VWA8: variants seen among roughly 807,000 people sequenced by gnomAD.
VWA8 encodes von Willebrand factor A domain containing 8, also known as von Willebrand factor A domain-containing protein 8.
Under a neutral mutation model 241.5 loss-of-function variants are expected in VWA8, and 221 were observed. That is an observed-to-expected ratio of 0.91 (90% CI 0.82 to 1.02). The LOEUF (loss-of-function observed/expected upper bound fraction) is 1.02. VWA8 is among the 50% of genes least tolerant of loss of function. VWA8 has a pLI of 0.00. For synonymous variants in VWA8, 852 were observed against 827.1 expected (o/e 1.03, Z -0.52); for missense variants, 2,322 against 2,328.7 (o/e 1.00, Z 0.06).
intron 1 of VWA8, among the ~76,000 whole-genome samples, chr13:41,954,539 T>C (rs1389497125): frequency 6.6e-6 from 1 of 152,222 alleles, no homozygotes; most frequent in Non-Finnish European, 1.5e-5. Context: ...TCCCTAACTT[T>C]TCCTCTAGCA....
intron 42 of VWA8, among the ~76,000 whole-genome samples, chr13:41,580,228 G>C (rs1315805233): frequency 6.6e-6 from 1 of 152,094 alleles, no homozygotes; most frequent in African/African-American, 2.4e-5. Context: ...TTTTTGAATG[G>C]TTGGGTTGGC....
intron 14 of VWA8, among the ~76,000 whole-genome samples, chr13:41,821,551 T>C (rs926309515): frequency 3.9e-5 from 6 of 152,062 alleles, no homozygotes; most frequent in Non-Finnish European, 7.4e-5. Flanking sequence ...AAAGAAGTGA[T>C]AGATAATGAA....
chr13:41,899,019 G>A (rs1031000923), intron 4 of VWA8, among the ~76,000 whole-genome samples: 7 of 152,332 alleles, frequency 4.6e-5, no homozygotes, highest in Admixed American at 1.3e-4. Context: ...AGCCCAGAAA[G>A]GGGCTCCCAC....
chr13:41,865,981 T>C lies in VWA8; in HGVS notation c.1268A>G (p.Gln423Arg). The change falls in exon 11 of 45, where the codon CAG becomes CGG. Residue 423 changes from glutamine to arginine, a missense_variant. Gln to Arg is a conservative substitution (Grantham distance 43, BLOSUM62 1). Coordinates refer to ENST00000379310, the MANE Select transcript of VWA8 (RefSeq NM_015058.2). ...CTGTAGCTGCTTATGGCTCAAAGTC[T>C]GTATGAAACGGTCTGACGCACAAGG... ...SQPCASDRFI[Q>R]TLSHKQLQAE... 3.7e-6 allele frequency: 6 copies of C among 1,614,214 alleles called. No homozygotes were observed. The highest frequency in any genetic ancestry group is 5.1e-6 in the Non-Finnish European group (6 of 1,180,032).
At chr13:41,897,925 C>T (rs1875201889) in intron 4 of VWA8, among the ~76,000 whole-genome samples, 1 of 152,104 alleles carries the variant, frequency 6.6e-6, no homozygotes, top group Non-Finnish European at 1.5e-5. Context: ...TTGGTAGAGC[C>T]GAGTGGTCTG....
At chr13:41,640,775 G>A (rs560718379) in intron 37 of VWA8, among the ~76,000 whole-genome samples, 12 of 152,250 alleles carry the variant, frequency 7.9e-5, no homozygotes, top group Admixed American at 2.6e-4. Context: ...AGATTCATCT[G>A]TTGTTTGATG....
chr13:41,912,083 T>C lies in VWA8; in HGVS notation c.327A>G (p.Ile109Met). The stretch of plus-strand genomic sequence containing the variant: ...AGCGTCGAAGAGGCCCAGGAGGTCC[T>C]ATTAGAAAAACATCTTGCCCCAAAA... ...KDLLGQDVFLIGPPGPLRRSI... is the reference protein window; with the variant it reads ...KDLLGQDVFLMGPPGPLRRSI... The change falls in exon 3 of 45, where the codon ATA (isoleucine) becomes ATG (methionine). Residue 109 changes from isoleucine to methionine, a missense_variant. Transcript: ENST00000379310. 1 of 1,608,852 alleles carries C rather than the reference T, an allele frequency of 6.2e-7. No individual in the cohort carries two copies. The highest frequency in any genetic ancestry group is 8.5e-7 in the Non-Finnish European group (1 of 1,176,688).
chr13:41,752,018 C>T (rs987167064), intron 21 of VWA8, among the ~76,000 whole-genome samples: 2 of 152,136 alleles, frequency 1.3e-5, no homozygotes, highest in Non-Finnish European at 2.9e-5. Context: ...ATTGGTAGAT[C>T]ACACACAGGA....
intron 17 of VWA8, among the ~76,000 whole-genome samples, chr13:41,801,215 G>T (rs1869945242): frequency 6.6e-6 from 1 of 151,806 alleles, no homozygotes; most frequent in Admixed American, 6.6e-5. Context: ...CTAACAGTCT[G>T]CAGAATGCTT....
At chr13:41,881,340 A>C (rs1178724914) in intron 9 of VWA8, among the ~76,000 whole-genome samples, 5 of 112,138 alleles carry the variant, frequency 4.5e-5, no homozygotes, top group African/African-American at 1.4e-4. Context: ...TGGTATGATC[A>C]CTGCTACTAG....
At chr13:41,768,520 G>C (rs1294590764) in intron 20 of VWA8, among the ~76,000 whole-genome samples, 1 of 151,948 alleles carries the variant, frequency 6.6e-6, no homozygotes, top group Non-Finnish European at 1.5e-5. Flanking sequence ...TTGCTTAGTT[G>C]GCATTAAACA....
chr13:41,597,481 T>A (rs1320927665), intron 40 of VWA8, among the ~76,000 whole-genome samples: 2 of 152,150 alleles, frequency 1.3e-5, no homozygotes, highest in Admixed American at 6.6e-5. Flanking sequence ...AAGGGATTCA[T>A]GTTTCTTGAA....
chr13:41,694,706 A>G (rs1428072482), intron 29 of VWA8, among the ~76,000 whole-genome samples: 2 of 152,174 alleles, frequency 1.3e-5, no homozygotes, highest in Non-Finnish European at 2.9e-5. Flanking sequence ...GGATAATATT[A>G]GCCTTTGTAA....
intron 12 of VWA8, among the ~76,000 whole-genome samples, chr13:41,843,919 G>A (rs530286093): frequency 6.6e-6 from 1 of 152,226 alleles, no homozygotes; most frequent in South Asian, 2.1e-4. Flanking sequence ...TCAAAAAAGA[G>A]CTGGTACCAA....
intron 2 of VWA8, among the ~76,000 whole-genome samples, chr13:41,948,972 C>A (rs547320417): frequency 6.8e-6 from 1 of 147,382 alleles, no homozygotes; most frequent in Admixed American, 6.8e-5. Flanking sequence ...CACATACAAC[C>A]ATACCATGTG....
rs1874569646 is a variant in VWA8, at chr13:41,886,895, T to C, written c.817-65A>G. ...AATGTAACAGATTAAATGCAAATGT[T>C]TTGTAGATACAATCCAACCTTTTAA... On this transcript the variant is annotated intron_variant, in intron 6 of 44. Coordinates refer to ENST00000379310, the MANE Select transcript of VWA8 (RefSeq NM_015058.2). 1.1e-5 allele frequency: 14 copies of C among 1,285,676 alleles called. No homozygotes were observed. The South Asian group carries it at 1.4e-4, about 13-fold the overall frequency. The allele number at this position is 1,285,676 out of a possible 1,614,324, so 79.6% of individuals were successfully genotyped here. A position where few individuals can be genotyped will look rare whatever the true frequency, so the allele number is the denominator to read the frequency against.
intron 26 of VWA8, among the ~76,000 whole-genome samples, chr13:41,708,093 C>T (rs2045293555): frequency 6.6e-6 from 1 of 152,068 alleles, no homozygotes; most frequent in South Asian, 2.1e-4. Flanking sequence ...TGCAGTGGCT[C>T]ACGTCTGTAA....
chr13:41,685,359 GA>G, intron 34 of VWA8, 117 bp from the exon 35 acceptor site: 13 of 1,017,334 alleles, frequency 1.3e-5, no homozygotes, highest in Non-Finnish European at 1.8e-5. Flanking sequence ...ACAGGTATAA[GA>G]AAATCAAATT....
At chr13:41,758,438 A>G (rs1258323206) in intron 21 of VWA8, among the ~76,000 whole-genome samples, 9 of 108,100 alleles carry the variant, frequency 8.3e-5, no homozygotes, top group East Asian at 5.4e-4. Context: ...ATACGCTAGT[A>G]TATATATTCC....
Sources: gnomAD v4.1 joint callset for allele counts (sites outside exome capture counted in the v4.1 genomes callset) on GRCh38, gnomAD v4.1.1 for gene constraint, MANE v1.5 for transcripts, NCBI Gene and HGNC (gene_info 2026-07-23, HGNC 2026-07-21) for gene names.